The following CHD4 variants were observed in gnomAD, a reference collection of about 807,000 sequenced individuals.
CHD4 encodes chromodomain helicase DNA binding protein 4.
In CHD4, 35 loss-of-function variants were observed where a neutral mutation model predicts 235.5. The ratio of observed to expected loss-of-function variants is 0.15; its 90% confidence interval spans 0.11 to 0.20. The LOEUF (loss-of-function observed/expected upper bound fraction) is 0.20. CHD4 is among the 10% of genes least tolerant of loss of function. The probability of loss-of-function intolerance (pLI) is 1.00; values close to 1 mark genes in which losing one functional copy is unlikely to be tolerated. For synonymous variants in CHD4, 900 were observed against 850.2 expected, an observed-to-expected ratio of 1.06 and a Z score of -1.02; for missense variants, 1,329 against 2,432.3, an observed-to-expected ratio of 0.55 and a Z score of 9.54.
intron 10 of CHD4, among the ~76,000 whole-genome samples, chr12:6,599,244 C>T (rs1037762804): frequency 7.9e-5 from 12 of 152,040 alleles, no homozygotes; most frequent in African/African-American, 2.2e-4. Context: ...CCAGCCTGGG[C>T]AACATAGTGA....
intron 2 of CHD4, among the ~76,000 whole-genome samples, chr12:6,605,277 G>GC (rs371406609): frequency 3.3e-5 from 5 of 152,096 alleles, no homozygotes; most frequent in Non-Finnish European, 7.4e-5. Flanking sequence ...ATGAAGAAAT[G>GC]ACATGTAGAA....
Position 6,602,430 on chromosome 12 carries a change from CTTT to C in CHD4, c.165_167del (p.Lys56del). 6.2e-7 allele frequency: 1 copy of C among 1,614,142 alleles called. No homozygotes were observed. The highest frequency in any genetic ancestry group is 8.5e-7 in the Non-Finnish European group (1 of 1,180,032). On this transcript the variant is annotated inframe_deletion, in exon 3 of 40. Transcript: ENST00000544040. ...TTTTAGGGTCCCGAGGTTTCTTAGGCTTTTTCTTCTTCTTGAGCTTTGGAGTCT... is the reference window on the plus strand; with the variant it reads ...TTTTAGGGTCCCGAGGTTTCTTAGGCTTCTTCTTCTTGAGCTTTGGAGTCT...
At chr12:6,605,124 C>T (rs1019351442) in intron 2 of CHD4, among the ~76,000 whole-genome samples, 2 of 152,050 alleles carry the variant, frequency 1.3e-5, no homozygotes, top group Non-Finnish European at 2.9e-5. Context: ...TTAAAAAGTG[C>T]CAAATGTGAA....
intron 33 of CHD4, chr12:6,579,298 A>C: frequency 3.7e-6 from 1 of 271,290 alleles, no homozygotes; most frequent in Non-Finnish European, 7.2e-6. Context: ...AAAAGTACAA[A>C]AATTAGCCAG....
intron 14 of CHD4, among the ~76,000 whole-genome samples, 153 bp downstream of exon 14, chr12:6,595,179 TAG>T (rs1234017954): frequency 6.6e-6 from 1 of 152,078 alleles, no homozygotes; most frequent in Non-Finnish European, 1.5e-5. Flanking sequence ...TTCTGATATA[TAG>T]AGATGTGGAG....
At position 6,581,126 on chromosome 12, in the gene CHD4, A is replaced by C. The variant is rs1423643965; in HGVS notation, c.4827T>G (p.Val1609=). 6.2e-7 allele frequency: 1 copy of C among 1,614,022 alleles called. No homozygotes were observed. The highest frequency in any genetic ancestry group is 8.5e-7 in the Non-Finnish European group (1 of 1,180,038). ...APASEDEKVV[V]EPPEGEEKVE... is the part of the protein sequence containing the mutation. ...CTTTCTCCTCTCCCTCAGGGGGTTC[A>C]ACAACGACCTTTTCATCCTCTGAGG... is the stretch of plus-strand genomic sequence containing the variant. The change falls in exon 33 of 40, where the codon GTT becomes GTG. Residue 1609 remains valine (V), a synonymous_variant. Coordinates refer to ENST00000544040, the MANE Select transcript of CHD4 (RefSeq NM_001273.5).
At chr12:6,588,230 C>T (rs974251077) in intron 23 of CHD4, 68 bp downstream of exon 23, 1 of 1,570,824 alleles carries the variant, frequency 6.4e-7, no homozygotes, top group South Asian at 1.1e-5. Flanking sequence ...GTGGAGCCCT[C>T]ATAGAGGCCA....
At chr12:6,597,364 G>C (rs542671489) in intron 12 of CHD4, among the ~76,000 whole-genome samples, 1 of 152,326 alleles carries the variant, frequency 6.6e-6, no homozygotes, top group East Asian at 1.9e-4. Context: ...ACTTTGGGAA[G>C]CTGAAGCAGA....
Position 6,592,463 on chromosome 12 carries a change from C to T in CHD4, c.2878G>A (p.Ala960Thr), listed in dbSNP as rs199827281. The T allele has an allele frequency of 6.2e-7, 1 of 1,612,110 alleles. No individual in the cohort carries two copies. Among genetic ancestry groups the T allele is most frequent in the African/African-American group, 1.3e-5 (1 of 75,040 alleles). The change falls in exon 19 of 40, where the codon GCC becomes ACC. Residue 960 changes from alanine to threonine, a missense_variant. Physicochemically the swap from Ala to Thr is moderately conservative, Grantham distance 58. Around this residue, in one of 26 missense-constraint regions of CHD4, gnomAD observed 23 missense variants for 130.0 expected, o/e 0.18. Transcript: ENST00000544040. ...LGPHMLRRLK[A>T]DVFKNMPSKT... is the part of the protein sequence containing the mutation. ...GAGGGCATGTTCTTGAACACATCGG[C>T]TTTGAGCCGCCGCAACATGTGCGGC... is the stretch of plus-strand genomic sequence containing the variant.
chr12:6,581,112 C>G lies in CHD4; in HGVS notation c.4841G>C (p.Gly1614Ala). The G allele has an allele frequency of 6.2e-7, 1 of 1,614,200 alleles. No individual in the cohort carries two copies. Among genetic ancestry groups the G allele is most frequent in the Non-Finnish European group, 8.5e-7 (1 of 1,180,034 alleles). The change falls in exon 33 of 40, where the codon GGA (glycine) becomes GCA (alanine). Residue 1614 changes from glycine to alanine, a missense_variant. By Grantham distance (60) the Gly-to-Ala change is moderately conservative. Around this residue, in one of 26 missense-constraint regions of CHD4, gnomAD observed 219 missense variants for 219.3 expected, o/e 1.00. Transcript: ENST00000544040. ...DEKVVVEPPE[G>A]EEKVEKAEVK... ...CTCTGCCTTTTCCACTTTCTCCTCT[C>G]CCTCAGGGGGTTCAACAACGACCTT...
At position 6,578,480 on chromosome 12, in the gene CHD4, A is replaced by G. The variant is rs748658269; in HGVS notation, c.5048T>C (p.Leu1683Pro). ...ATTTTTCTTCTGTTTCTCATCATTCAGGTCCTTGGGGGTCTCTCCATTCTG... is the reference window on the plus strand; with the variant it reads ...ATTTTTCTTCTGTTTCTCATCATTCGGGTCCTTGGGGGTCTCTCCATTCTG... Reference protein sequence around the residue: ...MLQNGETPKDLNDEKQKKNIK... With the variant: ...MLQNGETPKDPNDEKQKKNIK... Residue 1683 changes from leucine to proline, a missense_variant, in exon 35 of 40, where the codon CTG becomes CCG. Leu to Pro is a moderately conservative substitution (Grantham distance 98, BLOSUM62 -3). Coordinates refer to ENST00000544040, the MANE Select transcript of CHD4 (RefSeq NM_001273.5). The G allele has an allele frequency of 3.1e-6, 5 of 1,613,820 alleles. No individual in the cohort carries two copies. In the East Asian group the frequency reaches 1.1e-4, roughly 36 times the overall value.
At chr12:6,602,543 G>T in intron 2 of CHD4, 46 bp from the exon 3 acceptor site, 1 of 1,603,410 alleles carries the variant, frequency 6.2e-7, no homozygotes, top group Non-Finnish European at 8.5e-7. Flanking sequence ...AAGATCAATA[G>T]CAAAAGGTTA....
Position 6,587,929 on chromosome 12 carries a change from C to T in CHD4, c.3486G>A (p.Arg1162=). ...NDIQAFSRAH[R]IGQNKKVMIY... is the part of the protein sequence containing the mutation. ...TCATTACCTTTTTATTTTGCCCAAT[C>T]CGGTGAGCTCTGCTAAAGGCCTGGA... The change falls in exon 24 of 40, where the codon CGG becomes CGA. Residue 1162 remains arginine, a synonymous_variant. Coordinates refer to ENST00000544040, the MANE Select transcript of CHD4 (RefSeq NM_001273.5). 2 of 1,614,162 alleles carry T rather than the reference C, an allele frequency of 1.2e-6. No individual in the cohort carries two copies. The highest frequency in any genetic ancestry group is 2.2e-5 in the East Asian group (1 of 44,888).
intron 38 of CHD4, chr12:6,572,843 A>T: frequency 2.6e-6 from 1 of 377,652 alleles, no homozygotes; most frequent in Non-Finnish European, 4.7e-6. Context: ...TAGAGGCGTG[A>T]GCCACCGCGC....
In CHD4 at chr12:6,582,939, G is replaced by A; in HGVS notation, c.4148-3C>T. On this transcript the variant is annotated splice_polypyrimidine_tract_variant and splice_region_variant and intron_variant, in intron 27 of 39. Transcript: ENST00000544040. ...CTTACGACTGGGCCTACGGGGAGCT[G>A]CAAGAAGAAAAAGATGAATGAGTGA... 1 of 1,612,070 alleles carries A rather than the reference G, an allele frequency of 6.2e-7. No homozygotes were observed. The highest frequency in any genetic ancestry group is 8.5e-7 in the Non-Finnish European group (1 of 1,179,356).
intron 33 of CHD4, among the ~76,000 whole-genome samples, chr12:6,579,884 G>A (rs1159706348): frequency 4.0e-5 from 6 of 150,826 alleles, no homozygotes; most frequent in African/African-American, 1.2e-4. Flanking sequence ...GTGAAACCCC[G>A]TCTCTACTAA....
chr12:6,581,049 G>A lies in CHD4; in HGVS notation c.4904C>T (p.Pro1635Leu). ...ERTEEPMETE[P>L]KGAADVEKVE... ...AAAAATGTGGATACCTTTACCTTTG[G>A]GCTCTGTCTCCATAGGTTCCTCTGT... Residue 1635 changes from proline to leucine, a missense_variant, in exon 33 of 40, where the codon CCC becomes CTC. This residue lies in a region of CHD4 where 219 missense variants were observed against 219.3 expected (regional missense o/e 1.00). Coordinates refer to ENST00000544040, the MANE Select transcript of CHD4 (RefSeq NM_001273.5). 2 of 1,613,700 alleles carry A rather than the reference G, an allele frequency of 1.2e-6. No individual in the cohort carries two copies. Among genetic ancestry groups the A allele is most frequent in the Non-Finnish European group, 1.7e-6 (2 of 1,179,892 alleles).
chr12:6,580,155 A>AG (rs1405494291), intron 33 of CHD4: 1 of 151,876 alleles, frequency 6.6e-6, no homozygotes, highest in African/African-American at 2.4e-5. Context: ...TGAACCCAGG[A>AG]GGCGGGAGTT....
intron 30 of CHD4, 110 bp from the exon 31 acceptor site, chr12:6,581,924 T>G: frequency 7.4e-7 from 1 of 1,349,346 alleles, no homozygotes; most frequent in Non-Finnish European, 9.9e-7. Flanking sequence ...TGCCTCAGCC[T>G]TCTGAGTAGC....
Sources: allele counts gnomAD v4.1 joint callset (sites outside exome capture counted in the v4.1 genomes callset), GRCh38; gene constraint gnomAD v4.1.1; regional missense constraint gnomAD v4.1.1; transcripts MANE v1.5; gene names NCBI Gene and HGNC (gene_info 2026-07-23, HGNC 2026-07-21).